The following CDON variants were observed in gnomAD, a reference collection of about 807,000 sequenced individuals.
The protein encoded by CDON is cell adhesion associated, oncogene regulated.
A neutral mutation model predicts 120.9 loss-of-function variants in CDON; 73 were observed. That is an observed-to-expected ratio of 0.60 (90% confidence interval 0.50 to 0.73). The LOEUF is 0.73. CDON is among the 30% of genes least tolerant of loss of function. The probability of loss-of-function intolerance (pLI) is 0.00; values close to 1 mark genes in which losing one functional copy is unlikely to be tolerated. For missense variants in CDON, 1,470 were observed against 1,587.3 expected (o/e 0.93, Z 1.26); for synonymous variants, 566 against 573.5 (o/e 0.99, Z 0.19).
At chr11:125,962,361 A>G (rs1014011320) in intron 18 of CDON, among the ~76,000 whole-genome samples, 4 of 152,230 alleles carry the variant, frequency 2.6e-5, no homozygotes, top group Non-Finnish European at 5.9e-5. Context: ...GAAGAATGAG[A>G]GAATAAAAGA....
chr11:125,972,589 T>C (rs1301233882), intron 18 of CDON, among the ~76,000 whole-genome samples: 1 of 152,092 alleles, frequency 6.6e-6, no homozygotes, highest in Non-Finnish European at 1.5e-5. Context: ...TCTCAACTTT[T>C]CACATCATAC....
intron 19 of CDON, among the ~76,000 whole-genome samples, 192 bp from the exon 20 acceptor site, chr11:125,961,297 G>A (rs1945636930): frequency 1.3e-5 from 2 of 152,166 alleles, no homozygotes; most frequent in African/African-American, 2.4e-5. Context: ...GAGCTCTCAT[G>A]AGAAGCTATA....
intron 10 of CDON, 40 bp downstream of exon 10, chr11:126,003,862 G>C: frequency 1.3e-6 from 2 of 1,569,756 alleles, no homozygotes; most frequent in South Asian, 2.2e-5. Context: ...ATTGACATCA[G>C]GGCAGCCAGC....
chr11:126,018,510 T>C (rs779317098), intron 4 of CDON, 37 bp from the exon 5 acceptor site: 2 of 1,578,870 alleles, frequency 1.3e-6, no homozygotes, highest in African/African-American at 1.3e-5. Flanking sequence ...GCCTCTCCCT[T>C]TATGAAGGAC....
At chr11:125,988,298 G>A (rs975504267) in intron 15 of CDON, among the ~76,000 whole-genome samples, 4 of 152,186 alleles carry the variant, frequency 2.6e-5, no homozygotes, top group Non-Finnish European at 5.9e-5. Context: ...GCCCAGAACT[G>A]TGGCGAGCTA....
chr11:125,989,758 A>G lies in CDON; in HGVS notation c.2652T>C (p.Gly884=), dbSNP rs1946576629. Residue 884 remains glycine, a splice_region_variant and synonymous_variant, in exon 15 of 20, where the codon GGT becomes GGC. Transcript: ENST00000531738. ...GGCCAATCATGTGCCACTGCTTTGA[A>G]CCTAAAAGGAAAAATAAAAGGCTTT... The part of the protein sequence containing the change: ...DSDYKRDVVE[G]SKQWHMIGHL... 3.7e-6 allele frequency: 6 copies of G among 1,612,224 alleles called. No homozygotes were observed. In the South Asian group the frequency reaches 6.6e-5, roughly 18 times the overall value.
Position 125,959,954 on chromosome 11 carries a change from A to G in CDON, c.*988T>C, listed in dbSNP as rs1043211665. ...ATTTTAAAGCAGTGGGACATGAGGC[A>G]TTATTTGTCTCTCTGGCCTTGGTTC... is the stretch of plus-strand genomic sequence containing the variant. On this transcript the variant is annotated 3_prime_UTR_variant, in exon 20 of 20. Coordinates refer to ENST00000531738, the MANE Select transcript of CDON (RefSeq NM_001378964.1). 6.6e-6 allele frequency: 1 copy of G among 152,204 alleles called. No individual in the cohort carries two copies. Among genetic ancestry groups the G allele is most frequent in the African/African-American group, 2.4e-5 (1 of 41,456 alleles). 9.4% of individuals were successfully genotyped at this position (152,204 alleles called of 1,614,324 possible). A position where few individuals can be genotyped will look rare whatever the true frequency, so the allele number is the denominator to read the frequency against.
chr11:126,032,730 G>A (rs572284836), intron 1 of CDON, among the ~76,000 whole-genome samples: 2 of 152,350 alleles, frequency 1.3e-5, no homozygotes, highest in African/African-American at 4.8e-5. Context: ...TAAGAGGCCA[G>A]GAGCGGTGGC....
intron 1 of CDON, among the ~76,000 whole-genome samples, chr11:126,042,932 T>C (rs992918009): frequency 2.0e-5 from 3 of 152,176 alleles, no homozygotes; most frequent in Non-Finnish European, 4.4e-5. Context: ...CGATTTTACA[T>C]ACATTATTGA....
In CDON at chr11:126,005,894, G is replaced by A. The variant is rs369587433; in HGVS notation, c.1716C>T (p.Ser572=). ...AVESAPEKNA[S]GISVPDAPII... ...TGGGGGCATCAGGAACAGAGATGCC[G>A]CTGGCGTTTTTCTCTGGTGCTGATT... is the stretch of plus-strand genomic sequence containing the variant. The change falls in exon 9 of 20, where the codon AGC becomes AGT. Residue 572 remains serine, a synonymous_variant. Transcript: ENST00000531738. 86 of 1,614,004 alleles carry A rather than the reference G, an allele frequency of 5.3e-5. 1 individual carries two copies. Among genetic ancestry groups the A allele is most frequent in the East Asian group, 4.7e-4 (21 of 44,880 alleles).
chr11:125,965,222 C>T (rs572146635), intron 18 of CDON, among the ~76,000 whole-genome samples: 4 of 152,150 alleles, frequency 2.6e-5, no homozygotes, highest in Non-Finnish European at 4.4e-5. Context: ...TAAGCCATCA[C>T]GCCTGGCCAA....
intron 1 of CDON, among the ~76,000 whole-genome samples, chr11:126,061,995 G>A (rs188366362): frequency 8.9e-4 from 136 of 152,344 alleles, no homozygotes; most frequent in African/African-American, 3.2e-3. Flanking sequence ...AGGTCTGGAA[G>A]CTGCCGACTG....
chr11:126,018,971 A>T (rs1179217823), intron 4 of CDON, among the ~76,000 whole-genome samples: 1 of 152,242 alleles, frequency 6.6e-6, no homozygotes, highest in African/African-American at 2.4e-5. Flanking sequence ...AAAAGTCTAC[A>T]GAACTAGCAT....
At chr11:126,035,475 T>C (rs1948071122) in intron 1 of CDON, among the ~76,000 whole-genome samples, 1 of 152,198 alleles carries the variant, frequency 6.6e-6, no homozygotes, top group African/African-American at 2.4e-5. Context: ...TATCAGCCCC[T>C]GCTTTGTTCA....
chr11:126,055,541 G>C (rs1372190159), intron 1 of CDON, among the ~76,000 whole-genome samples: 1 of 152,120 alleles, frequency 6.6e-6, no homozygotes, highest in Admixed American at 6.6e-5. Flanking sequence ...TCCCAGAAAA[G>C]ATCTTGAATA....
At chr11:125,984,367 T>G (rs1946400547) in intron 15 of CDON, among the ~76,000 whole-genome samples, 2 of 152,252 alleles carry the variant, frequency 1.3e-5, no homozygotes, top group Non-Finnish European at 2.9e-5. Context: ...TCTGCTTAAC[T>G]GTACTTGGAG....
intron 18 of CDON, among the ~76,000 whole-genome samples, chr11:125,975,506 C>T (rs1946126997): frequency 6.6e-6 from 1 of 152,178 alleles, no homozygotes; most frequent in Admixed American, 6.5e-5. Context: ...ACTATATAAA[C>T]TCAGTCCAGT....
At position 125,959,267 on chromosome 11, in the gene CDON, A is replaced by G. The variant is rs1475548619; in HGVS notation, c.*1675T>C. The G allele has an allele frequency of 2.6e-5, 4 of 152,172 alleles. No homozygotes were observed. The highest frequency in any genetic ancestry group is 9.7e-5 in the African/African-American group (4 of 41,438). The allele number at this position is 152,172 out of a possible 1,614,324, so 9.4% of individuals were successfully genotyped here. The stretch of plus-strand genomic sequence containing the variant: ...TTAACACAGTATTGTATTCTATTCC[A>G]CTGCGATTTCTGGGAAACTAACATT... On this transcript the variant is annotated 3_prime_UTR_variant, in exon 20 of 20. Coordinates refer to ENST00000531738, the MANE Select transcript of CDON (RefSeq NM_001378964.1).
intron 1 of CDON, among the ~76,000 whole-genome samples, chr11:126,038,334 T>C (rs536556102): frequency 3.3e-4 from 50 of 152,214 alleles, no homozygotes; most frequent in African/African-American, 1.2e-3. Context: ...GGTCTTCTCA[T>C]GAAGACTCAG....
Sources: allele counts gnomAD v4.1 joint callset (sites outside exome capture counted in the v4.1 genomes callset), GRCh38; gene constraint gnomAD v4.1.1; transcripts MANE v1.5; gene names NCBI Gene and HGNC (gene_info 2026-07-23, HGNC 2026-07-21).